The following CYTH3 variants were observed in gnomAD, a reference collection of about 807,000 sequenced individuals.
CYTH3 encodes the protein cytohesin 3, also known as cytohesin-3.
A neutral mutation model predicts 55.1 loss-of-function variants in CYTH3; 23 were observed. That is an observed-to-expected ratio of 0.42 (90% CI 0.30 to 0.59). The LOEUF (loss-of-function observed/expected upper bound fraction) is 0.59. Among genes scored for constraint, CYTH3 ranks in the 20% least tolerant of loss-of-function variants. CYTH3 has a pLI of 0.20. For synonymous variants in CYTH3, 249 were observed against 194.9 expected, an observed-to-expected ratio of 1.28 and a Z score of -2.31; for missense variants, 413 against 524.8, an observed-to-expected ratio of 0.79 and a Z score of 2.08.
intron 1 of CYTH3, among the ~76,000 whole-genome samples, chr7:6,267,747 C>T (rs1780538290): frequency 6.6e-6 from 1 of 152,182 alleles, no homozygotes; most frequent in Non-Finnish European, 1.5e-5. Flanking sequence ...TGGTCTCGAA[C>T]TCCTGACCTC....
At chr7:6,266,597 A>C (rs1282285512) in intron 1 of CYTH3, among the ~76,000 whole-genome samples, 1 of 152,068 alleles carries the variant, frequency 6.6e-6, no homozygotes. Flanking sequence ...GCTGCTTTTA[A>C]TTCTCTAGAA....
intron 4 of CYTH3, among the ~76,000 whole-genome samples, chr7:6,178,613 G>C (rs1216782002): frequency 1.3e-5 from 2 of 152,268 alleles, no homozygotes; most frequent in Non-Finnish European, 2.9e-5. Flanking sequence ...GATGTGTACA[G>C]GGACCGCCTT....
rs751355592 is a variant in CYTH3, at chr7:6,190,432, T to TG, written c.117+16_117+17insC. ...AAACAGAGTTTTGGATTTTTGGTTT[T>TG]TTTTTTTTTTTTTTACCTCAATGTC... On this transcript the variant is annotated intron_variant, in intron 2 of 12. Coordinates refer to ENST00000350796, the MANE Select transcript of CYTH3 (RefSeq NM_004227.4). The TG allele has an allele frequency of 7.1e-5, 97 of 1,368,320 alleles. No homozygotes were observed. In the African/African-American group the frequency reaches 1.1e-3, roughly 16 times the overall value. 84.8% of individuals were successfully genotyped at this position (1,368,320 alleles called of 1,614,324 possible).
chr7:6,210,389 C>A (rs959715881), intron 1 of CYTH3, among the ~76,000 whole-genome samples: 2 of 152,350 alleles, frequency 1.3e-5, no homozygotes, highest in East Asian at 1.9e-4. Flanking sequence ...AAACTCCCAA[C>A]AAGTCCTCTT....
intron 1 of CYTH3, among the ~76,000 whole-genome samples, chr7:6,246,234 T>G (rs1260087704): frequency 7.3e-6 from 1 of 136,662 alleles, no homozygotes; most frequent in Non-Finnish European, 1.5e-5. Context: ...CCTGGATAAT[T>G]TTTTTTTTTT....
At chr7:6,215,049 G>T (rs1162187608) in intron 1 of CYTH3, among the ~76,000 whole-genome samples, 1 of 152,062 alleles carries the variant, frequency 6.6e-6, no homozygotes, top group Non-Finnish European at 1.5e-5. Flanking sequence ...GAAGAAAATG[G>T]GATAGGATGC....
At chr7:6,242,327 C>A (rs183933644) in intron 1 of CYTH3, among the ~76,000 whole-genome samples, 2 of 151,270 alleles carry the variant, frequency 1.3e-5, no homozygotes, top group Admixed American at 6.6e-5. Flanking sequence ...CCACCCGCCT[C>A]GGCCTCCCAA....
intron 1 of CYTH3, among the ~76,000 whole-genome samples, chr7:6,266,402 G>C (rs369165043): frequency 4.6e-5 from 7 of 152,222 alleles, no homozygotes; most frequent in African/African-American, 1.2e-4. Context: ...AAGTACACAG[G>C]ACATACAGCA....
chr7:6,258,870 C>G (rs1780203504), intron 1 of CYTH3, among the ~76,000 whole-genome samples: 1 of 152,148 alleles, frequency 6.6e-6, no homozygotes, highest in Non-Finnish European at 1.5e-5. Context: ...TTGATGAACC[C>G]TCATATTATC....
At chr7:6,177,574 C>G (rs1258687838) in intron 5 of CYTH3, among the ~76,000 whole-genome samples, 5 of 152,204 alleles carry the variant, frequency 3.3e-5, no homozygotes, top group Non-Finnish European at 5.9e-5. Context: ...TTGTGGCTCC[C>G]TGAAAAACAG....
chr7:6,259,552 C>T (rs1447457092), intron 1 of CYTH3, among the ~76,000 whole-genome samples: 2 of 150,296 alleles, frequency 1.3e-5, no homozygotes, highest in African/African-American at 4.9e-5. Context: ...GCTGTATTGG[C>T]TCCAGCCAAA....
intron 1 of CYTH3, among the ~76,000 whole-genome samples, chr7:6,261,688 T>C (rs543623822): frequency 2.6e-3 from 132 of 51,056 alleles, no homozygotes; most frequent in African/African-American, 0.011. Flanking sequence ...AGACCCTGTC[T>C]CAAAAAAAAA....
At chr7:6,179,867 CCCACACACA>C (rs573069717) in intron 4 of CYTH3, among the ~76,000 whole-genome samples, 34,895 of 141,842 alleles carry the variant, frequency 0.25, 5,123 homozygotes, top group African/African-American at 0.43. Flanking sequence ...ACCACACACA[CCCACACACA>C]CCACACACAC....
intron 1 of CYTH3, among the ~76,000 whole-genome samples, chr7:6,198,807 T>TCACTGG (rs1783997512): frequency 6.7e-6 from 1 of 148,996 alleles, no homozygotes; most frequent in African/African-American, 2.5e-5. Flanking sequence ...TAACTGGAAA[T>TCACTGG]CACTGGTCTG....
At chr7:6,192,128 C>T (rs1405604020) in intron 1 of CYTH3, among the ~76,000 whole-genome samples, 3 of 152,124 alleles carry the variant, frequency 2.0e-5, no homozygotes, top group Non-Finnish European at 2.9e-5. Context: ...ACTTTATTCT[C>T]CAAAAGTTCC....
At chr7:6,232,363 G>T (rs11971500) in intron 1 of CYTH3, among the ~76,000 whole-genome samples, 1 of 152,030 alleles carries the variant, frequency 6.6e-6, no homozygotes, top group Admixed American at 6.5e-5. Flanking sequence ...TGCTCTACCC[G>T]GCACTCCCAC....
At chr7:6,263,001 G>T (rs940358907) in intron 1 of CYTH3, among the ~76,000 whole-genome samples, 2 of 151,484 alleles carry the variant, frequency 1.3e-5, no homozygotes, top group Non-Finnish European at 2.9e-5. Flanking sequence ...TTTTTCCCCT[G>T]TTCATTAAGC....
chr7:6,261,301 A>T (rs1220829614), intron 1 of CYTH3, among the ~76,000 whole-genome samples: 1 of 152,170 alleles, frequency 6.6e-6, no homozygotes, highest in African/African-American at 2.4e-5. Flanking sequence ...CAAAAATTAG[A>T]GTTCAGGGGC....
At chr7:6,205,561 G>C (rs887958695) in intron 1 of CYTH3, among the ~76,000 whole-genome samples, 2 of 152,148 alleles carry the variant, frequency 1.3e-5, no homozygotes, top group African/African-American at 4.8e-5. Context: ...GCAAAAGAAT[G>C]AGACTCCGTC....
Sources: allele counts gnomAD v4.1 joint callset (sites outside exome capture counted in the v4.1 genomes callset), GRCh38; gene constraint gnomAD v4.1.1; transcripts MANE v1.5; gene names NCBI Gene and HGNC (gene_info 2026-07-23, HGNC 2026-07-21).